The following ATRN variants were observed in gnomAD, a reference collection of about 807,000 sequenced individuals.
ATRN encodes attractin.
A neutral mutation model predicts 178.7 loss-of-function variants in ATRN; 54 were observed. The ratio of observed to expected loss-of-function variants is 0.30; its 90% CI spans 0.24 to 0.38. The LOEUF is 0.38. Ranked by LOEUF, ATRN falls within the 10% of genes least tolerant of loss-of-function variation. The pLI, the probability that ATRN is intolerant of heterozygous loss-of-function variation, is 1.00. For missense variants in ATRN, 1,443 were observed against 1,815.1 expected, an observed-to-expected ratio of 0.79 and a Z score of 3.73; for synonymous variants, 636 against 663.0, an observed-to-expected ratio of 0.96 and a Z score of 0.63.
Position 3,545,364 on chromosome 20 carries a change from C to CAA in ATRN, c.609-382_609-381dup, listed in dbSNP as rs1332216289. Among the ~76,000 whole-genome samples, 671 of 86,252 alleles carry CAA rather than the reference C, an allele frequency of 7.8e-3. 5 individuals carry two copies. The highest frequency in any genetic ancestry group is 0.027 in the African/African-American group (549 of 20,076). 56.6% of individuals were successfully genotyped at this position (86,252 alleles called of 152,430 possible). ...GGGCAACAAGAGCGAAACTCTGTCT[C>CAA]AAAAAAAAAAAAAAAAACAACAAAA... On this transcript the variant is annotated intron_variant, in intron 3 of 28. Transcript: ENST00000262919.
intron 18 of ATRN, among the ~76,000 whole-genome samples, chr20:3,587,475 AG>A (rs2086373909): frequency 1.5e-5 from 1 of 66,076 alleles, no homozygotes; most frequent in Non-Finnish European, 2.7e-5. Context: ...TTTGTTGAAA[AG>A]ATTTTTTTTT....
intron 28 of ATRN, 128 bp downstream of exon 28, chr20:3,644,396 A>C: frequency 1.2e-6 from 1 of 801,482 alleles, no homozygotes; most frequent in Non-Finnish European, 2.0e-6. Flanking sequence ...ATGCCATGGC[A>C]AGGATTCAGT....
chr20:3,615,850 G>A (rs760667844), intron 24 of ATRN: 4 of 454,160 alleles, frequency 8.8e-6, no homozygotes, highest in East Asian at 7.0e-5. Flanking sequence ...CAATGAGGAC[G>A]CATGGACACA....
intron 23 of ATRN, among the ~76,000 whole-genome samples, chr20:3,602,681 A>G (rs558148015): frequency 4.6e-5 from 7 of 152,002 alleles, no homozygotes; most frequent in African/African-American, 1.2e-4. Flanking sequence ...AAGATTTGCA[A>G]TGAGCCGGGC....
chr20:3,522,421 G>C (rs1226057801), intron 1 of ATRN, among the ~76,000 whole-genome samples: 1 of 152,228 alleles, frequency 6.6e-6, no homozygotes, highest in African/African-American at 2.4e-5. Flanking sequence ...CCAGTCAGGG[G>C]CTTATAGATA....
At chr20:3,544,273 A>T (rs974589087) in intron 3 of ATRN, among the ~76,000 whole-genome samples, 1 of 152,040 alleles carries the variant, frequency 6.6e-6, no homozygotes, top group African/African-American at 2.4e-5. Flanking sequence ...ATATGCAGTG[A>T]CTCATGCAGT....
intron 19 of ATRN, chr20:3,592,442 C>T: frequency 1.0e-6 from 1 of 983,662 alleles, no homozygotes; most frequent in African/African-American, 1.7e-5. Flanking sequence ...TGTGTTTCCC[C>T]ATTTATGTCA....
intron 24 of ATRN, among the ~76,000 whole-genome samples, chr20:3,609,832 C>G (rs903216273): frequency 1.3e-5 from 2 of 151,724 alleles, no homozygotes; most frequent in Non-Finnish European, 2.9e-5. Flanking sequence ...TGAAAACATG[C>G]TAAGTGAAAT....
intron 1 of ATRN, among the ~76,000 whole-genome samples, chr20:3,508,025 C>G (rs1161332548): frequency 2.0e-5 from 3 of 151,620 alleles, no homozygotes; most frequent in African/African-American, 7.3e-5. Flanking sequence ...CTTAAAGCAA[C>G]CAGTGGATTG....
At chr20:3,531,160 A>G (rs1430554692) in intron 1 of ATRN, among the ~76,000 whole-genome samples, 2 of 152,168 alleles carry the variant, frequency 1.3e-5, no homozygotes, top group African/African-American at 4.8e-5. Flanking sequence ...AAATTCCTTT[A>G]AACTTTTAGT....
chr20:3,580,816 T>C (rs2086273377), intron 15 of ATRN, among the ~76,000 whole-genome samples: 1 of 152,196 alleles, frequency 6.6e-6, no homozygotes, highest in African/African-American at 2.4e-5. Context: ...ACAATAGTAA[T>C]GGATTTGAAT....
intron 1 of ATRN, among the ~76,000 whole-genome samples, chr20:3,483,327 C>G (rs2084646861): frequency 6.6e-6 from 1 of 152,152 alleles, no homozygotes; most frequent in South Asian, 2.1e-4. Context: ...CCAACTTTTG[C>G]TGTTACAAAT....
intron 1 of ATRN, among the ~76,000 whole-genome samples, chr20:3,527,693 T>G (rs1259407852): frequency 6.6e-6 from 1 of 152,130 alleles, no homozygotes; most frequent in Non-Finnish European, 1.5e-5. Context: ...GATGATAGAC[T>G]GGATAAAGAA....
chr20:3,607,694 CAGT>C (rs1248804022), intron 24 of ATRN, among the ~76,000 whole-genome samples: 1 of 152,190 alleles, frequency 6.6e-6, no homozygotes, highest in Non-Finnish European at 1.5e-5. Flanking sequence ...TTAGAGCATG[CAGT>C]ATCTCTCCAG....
chr20:3,626,024 G>A (rs2086935863), intron 25 of ATRN, among the ~76,000 whole-genome samples: 1 of 152,084 alleles, frequency 6.6e-6, no homozygotes, highest in Non-Finnish European at 1.5e-5. Flanking sequence ...TTGAGCTCAG[G>A]AGTTCGAGAC....
At chr20:3,603,588 C>G (rs774746836) in intron 23 of ATRN, among the ~76,000 whole-genome samples, 13 of 151,822 alleles carry the variant, frequency 8.6e-5, no homozygotes, top group Non-Finnish European at 1.6e-4. Flanking sequence ...CTCCCAGGTT[C>G]AAGCGATTCT....
chr20:3,498,277 T>G (rs960894938), intron 1 of ATRN, among the ~76,000 whole-genome samples: 35 of 152,330 alleles, frequency 2.3e-4, no homozygotes, highest in African/African-American at 7.2e-4. Flanking sequence ...GTACCATTCC[T>G]TCTGAAACTA....
intron 11 of ATRN, among the ~76,000 whole-genome samples, chr20:3,572,353 A>C (rs915151461): frequency 1.3e-5 from 2 of 152,210 alleles, no homozygotes; most frequent in Admixed American, 6.5e-5. Context: ...TTAATACAGT[A>C]GCTATGACGA....
At chr20:3,498,357 A>C (rs1266639082) in intron 1 of ATRN, among the ~76,000 whole-genome samples, 1 of 152,216 alleles carries the variant, frequency 6.6e-6, no homozygotes, top group East Asian at 1.9e-4. Flanking sequence ...CCTGATACCA[A>C]AGCCAGGCAG....
Sources: allele counts gnomAD v4.1 joint callset (sites outside exome capture counted in the v4.1 genomes callset), GRCh38; gene constraint gnomAD v4.1.1; transcripts MANE v1.5; gene names NCBI Gene and HGNC (gene_info 2026-07-23, HGNC 2026-07-21).